Variants in CSMD3 observed in about 807,000 individuals in gnomAD.
CSMD3 encodes CUB and sushi domain-containing protein 3.
A neutral mutation model predicts 435.2 loss-of-function variants in CSMD3; 177 were observed. The ratio of observed to expected loss-of-function variants is 0.41; its 90% CI spans 0.36 to 0.46. The LOEUF (loss-of-function observed/expected upper bound fraction) is 0.46. CSMD3 is among the 20% of genes least tolerant of loss of function. CSMD3 has a pLI of 0.34. For missense variants in CSMD3, 4,265 were observed against 4,504.6 expected (o/e 0.95, Z 1.52); for synonymous variants, 1,656 against 1,520.5 (o/e 1.09, Z -2.07).
rs781550261 is a variant in CSMD3, at chr8:113,314,525, C to A, written c.401+46G>T. The A allele has an allele frequency of 3.4e-5, 39 of 1,164,034 alleles. No homozygotes were observed. The Admixed American group carries it at 6.6e-4, about 20-fold the overall frequency. 72.1% of individuals were successfully genotyped at this position (1,164,034 alleles called of 1,614,324 possible). A position where few individuals can be genotyped will look rare whatever the true frequency, so the allele number is the denominator to read the frequency against. On this transcript the variant is annotated intron_variant, in intron 2 of 70. Coordinates refer to ENST00000297405, the MANE Select transcript of CSMD3 (RefSeq NM_198123.2). ...TCTTTTGTAAAATAAACTACTTTTA[C>A]CCAGGAAATATTTTCTCTCCAGTCT...
chr8:113,043,126 A>G (rs191308621), intron 5 of CSMD3, among the ~76,000 whole-genome samples: 133 of 152,324 alleles, frequency 8.7e-4, no homozygotes, highest in Admixed American at 8.2e-3. Context: ...AAGTTGTCAC[A>G]CGAATCTTAA....
intron 3 of CSMD3, among the ~76,000 whole-genome samples, chr8:113,211,879 A>T (rs890456259): frequency 2.0e-5 from 3 of 152,186 alleles, no homozygotes; most frequent in African/African-American, 7.2e-5. Flanking sequence ...ATTTTGATGT[A>T]GGCTATCTCT....
In CSMD3 at chr8:112,283,799, A is replaced by T. The variant is rs568143055; in HGVS notation, c.9332-2449T>A. Among the ~76,000 whole-genome samples, 105 of 151,878 alleles carry T rather than the reference A, an allele frequency of 6.9e-4. 1 individual carries two copies. In the South Asian group the frequency reaches 0.021, roughly 30 times the overall value. ...TCTGTACATTAGTTCTATGTTTAAG[A>T]TAAATATCTAAAATAATTTCTGGAT... is the stretch of plus-strand genomic sequence containing the variant. On this transcript the variant is annotated intron_variant, in intron 58 of 70. Transcript: ENST00000297405.
chr8:113,349,674 G>A (rs2094176444), intron 1 of CSMD3, among the ~76,000 whole-genome samples: 1 of 151,906 alleles, frequency 6.6e-6, no homozygotes, highest in African/African-American at 2.4e-5. Context: ...GTCTTTCTGA[G>A]GAATAACCTC....
chr8:113,257,619 T>C (rs749893286), intron 3 of CSMD3, among the ~76,000 whole-genome samples: 1 of 152,142 alleles, frequency 6.6e-6, no homozygotes, highest in Non-Finnish European at 1.5e-5. Flanking sequence ...AGTAAAATAC[T>C]TTCTCAAAGG....
chr8:112,431,966 A>C (rs1296406634), intron 32 of CSMD3, among the ~76,000 whole-genome samples: 2 of 152,134 alleles, frequency 1.3e-5, no homozygotes, highest in East Asian at 1.9e-4. Flanking sequence ...CCTAGGCCCC[A>C]GTCATAAACT....
In CSMD3 at chr8:113,357,477, T is replaced by C. The variant is rs111409974; in HGVS notation, c.179-42684A>G. 3.5e-3 allele frequency among the ~76,000 whole-genome samples: 538 copies of C among 152,346 alleles called. 2 individuals carry two copies. The highest frequency in any genetic ancestry group is 0.012 in the African/African-American group (501 of 41,584). Reference sequence around the variant, plus strand: ...GTGTGACAGGGGAAATTTATTTTAATTGTGTTTAATTTAAATCAATTTAAA... The same window carrying C: ...GTGTGACAGGGGAAATTTATTTTAACTGTGTTTAATTTAAATCAATTTAAA... On this transcript the variant is annotated intron_variant, in intron 1 of 70. Transcript: ENST00000297405.
At chr8:113,109,358 A>G (rs1421334076) in intron 4 of CSMD3, among the ~76,000 whole-genome samples, 2 of 152,210 alleles carry the variant, frequency 1.3e-5, no homozygotes, top group African/African-American at 2.4e-5. Context: ...GCCATGGATG[A>G]GACTCAAGGT....
In CSMD3 at chr8:112,256,723, C is replaced by T. The variant is rs577253572; in HGVS notation, c.9863-1296G>A. ...AAATTTAACGATTTTCAAATGTACT[C>T]GATTTTCAAATGTTCAGATTAAGCA... On this transcript the variant is annotated intron_variant, in intron 61 of 70. Transcript: ENST00000297405. 1.2e-4 allele frequency among the ~76,000 whole-genome samples: 18 copies of T among 152,252 alleles called. No homozygotes were observed. The Middle Eastern group carries it at 0.01, about 86-fold the overall frequency.
At chr8:112,837,651 G>A (rs1587440036) in intron 11 of CSMD3, among the ~76,000 whole-genome samples, 1 of 151,768 alleles carries the variant, frequency 6.6e-6, no homozygotes, top group East Asian at 1.9e-4. Flanking sequence ...ATAGGTATTC[G>A]TATCTGTTCA....
At chr8:113,066,803 A>G (rs1205727097) in intron 5 of CSMD3, among the ~76,000 whole-genome samples, 1 of 149,900 alleles carries the variant, frequency 6.7e-6, no homozygotes, top group Non-Finnish European at 1.5e-5. Context: ...GAGAAAGTAG[A>G]GCTAGAAAAA....
At chr8:112,299,366 TA>T (rs898121773) in intron 53 of CSMD3, among the ~76,000 whole-genome samples, 11 of 151,950 alleles carry the variant, frequency 7.2e-5, no homozygotes, top group African/African-American at 2.7e-4. Flanking sequence ...TTGCCGAGTT[TA>T]AAAAAAACTT....
intron 3 of CSMD3, among the ~76,000 whole-genome samples, chr8:113,237,798 C>T (rs889132473): frequency 6.6e-6 from 1 of 152,086 alleles, no homozygotes; most frequent in Admixed American, 6.6e-5. Context: ...AGTTCTGGGC[C>T]GGGAGCGATA....
chr8:113,414,001 G>A (rs185887584), intron 1 of CSMD3, among the ~76,000 whole-genome samples: 110 of 152,284 alleles, frequency 7.2e-4, no homozygotes, highest in African/African-American at 2.4e-3. Context: ...ATAGGAAACA[G>A]AAGACGAAAT....
chr8:112,350,480 AT>A (rs1826036779), intron 40 of CSMD3, among the ~76,000 whole-genome samples: 1 of 152,104 alleles, frequency 6.6e-6, no homozygotes, highest in Non-Finnish European at 1.5e-5. Context: ...ACTCTAAATT[AT>A]TTGATAACAA....
chr8:112,482,003 A>T (rs1819661274), intron 31 of CSMD3, among the ~76,000 whole-genome samples: 1 of 151,720 alleles, frequency 6.6e-6, no homozygotes, highest in African/African-American at 2.4e-5. Flanking sequence ...CTTCTTTTTA[A>T]TACTAAAAAA....
At chr8:112,382,144 G>C (rs568700087) in intron 37 of CSMD3, among the ~76,000 whole-genome samples, 132 of 151,856 alleles carry the variant, frequency 8.7e-4, no homozygotes, top group African/African-American at 3.1e-3. Flanking sequence ...AATTAATTGG[G>C]GTTGTGGTAT....
At chr8:112,810,379 A>AACAT (rs1194498075) in intron 12 of CSMD3, among the ~76,000 whole-genome samples, 2 of 45,664 alleles carry the variant, frequency 4.4e-5, no homozygotes, top group African/African-American at 2.4e-4. Flanking sequence ...ACATCTAATT[A>AACAT]ACAGACAAAT....
At chr8:112,467,279 G>C (rs1354807856) in intron 32 of CSMD3, among the ~76,000 whole-genome samples, 4 of 152,174 alleles carry the variant, frequency 2.6e-5, no homozygotes, top group African/African-American at 7.2e-5. Flanking sequence ...CATACCAAGT[G>C]TGAAAACTAG....
Sources: allele counts gnomAD v4.1 joint callset (sites outside exome capture counted in the v4.1 genomes callset), GRCh38; gene constraint gnomAD v4.1.1; transcripts MANE v1.5; gene names NCBI Gene and HGNC (gene_info 2026-07-23, HGNC 2026-07-21).